TENM4: variants seen among roughly 807,000 people sequenced by gnomAD.
The protein encoded by TENM4 is teneurin-4.
Under a neutral mutation model 243.3 loss-of-function variants are expected in TENM4, and 82 were observed. That is an observed-to-expected ratio of 0.34 (90% confidence interval 0.28 to 0.40). The LOEUF (loss-of-function observed/expected upper bound fraction) is 0.40. Ranked by LOEUF, TENM4 falls within the 10% of genes least tolerant of loss-of-function variation. The pLI, the probability that TENM4 is intolerant of heterozygous loss-of-function variation, is 1.00. For synonymous variants in TENM4, 1,412 were observed against 1,456.3 expected, an observed-to-expected ratio of 0.97 and a Z score of 0.69; for missense variants, 3,138 against 3,673.3, an observed-to-expected ratio of 0.85 and a Z score of 3.77.
chr11:79,138,569 CAT>C lies in TENM4; in HGVS notation c.-66+10139_-66+10140del, dbSNP rs1491213327. Among the ~76,000 whole-genome samples, 49 of 29,038 alleles carry C rather than the reference CAT, an allele frequency of 1.7e-3. 2 individuals carry two copies. The highest frequency in any genetic ancestry group is 9.6e-3 in the East Asian group (29 of 3,010). The allele number at this position is 29,038 out of a possible 152,430, so 19.1% of individuals were successfully genotyped here. ...ATTATATTTATATAAATACATAAAA[CAT>C]ATATTTATATAAATACATAAAACAT... On this transcript the variant is annotated intron_variant, in intron 4 of 33. Transcript: ENST00000278550.
At chr11:79,115,143 T>A (rs1591293694) in intron 4 of TENM4, among the ~76,000 whole-genome samples, 1 of 152,020 alleles carries the variant, frequency 6.6e-6, no homozygotes, top group African/African-American at 2.4e-5. Context: ...ACTATTTGAG[T>A]TAGGACCTGT....
At chr11:79,159,911 C>G (rs1194820806) in intron 3 of TENM4, among the ~76,000 whole-genome samples, 2 of 152,222 alleles carry the variant, frequency 1.3e-5, no homozygotes, top group Admixed American at 6.5e-5. Context: ...TCCTCAAAAT[C>G]ACACTTGTTC....
At chr11:79,204,232 G>A (rs1314908744) in intron 3 of TENM4, among the ~76,000 whole-genome samples, 1 of 152,066 alleles carries the variant, frequency 6.6e-6, no homozygotes, top group African/African-American at 2.4e-5. Flanking sequence ...ATAGTAAAAA[G>A]CACTGAATTG....
At chr11:79,237,805 GCT>G (rs1405965164) in intron 2 of TENM4, among the ~76,000 whole-genome samples, 2 of 152,182 alleles carry the variant, frequency 1.3e-5, no homozygotes, top group Non-Finnish European at 2.9e-5. Flanking sequence ...CGGCTCAGAG[GCT>G]CTTTTTCGTT....
chr11:79,057,515 A>G (rs1312923750), intron 6 of TENM4, among the ~76,000 whole-genome samples: 1 of 152,022 alleles, frequency 6.6e-6, no homozygotes, highest in African/African-American at 2.4e-5. Flanking sequence ...GCACCTCCCC[A>G]TGACACTGCC....
chr11:79,085,086 T>G (rs1213673245), intron 4 of TENM4, among the ~76,000 whole-genome samples: 1 of 152,122 alleles, frequency 6.6e-6, no homozygotes, highest in Non-Finnish European at 1.5e-5. Context: ...AAAAGGGTTT[T>G]TTTTGGCCGG....
intron 6 of TENM4, among the ~76,000 whole-genome samples, chr11:78,992,945 C>T (rs764000445): frequency 5.3e-5 from 8 of 152,106 alleles, no homozygotes; most frequent in Non-Finnish European, 1.0e-4. Context: ...GCATAATTCT[C>T]TTGTGGGATG....
chr11:79,371,904 C>T (rs1350429947), intron 1 of TENM4, among the ~76,000 whole-genome samples: 1 of 152,080 alleles, frequency 6.6e-6, no homozygotes, highest in Non-Finnish European at 1.5e-5. Context: ...CAAATGGTCC[C>T]CAAACACCAT....
intron 6 of TENM4, among the ~76,000 whole-genome samples, chr11:78,979,583 TG>T (rs1857745239): frequency 1.3e-5 from 2 of 152,312 alleles, no homozygotes; most frequent in African/African-American, 4.8e-5. Context: ...CATGCATGTG[TG>T]TCTACAGCAG....
chr11:78,844,336 C>T (rs540977750), intron 12 of TENM4, among the ~76,000 whole-genome samples: 3 of 152,272 alleles, frequency 2.0e-5, no homozygotes, highest in African/African-American at 7.2e-5. Flanking sequence ...TCTGATAGGA[C>T]TTATGTCCTT....
At chr11:79,054,058 G>A (rs1406561418) in intron 6 of TENM4, among the ~76,000 whole-genome samples, 1 of 152,142 alleles carries the variant, frequency 6.6e-6, no homozygotes, top group African/African-American at 2.4e-5. Flanking sequence ...CCAGGTGGGT[G>A]CGTGAACCCA....
chr11:78,884,099 A>C (rs1223906596), intron 9 of TENM4, among the ~76,000 whole-genome samples: 1 of 152,244 alleles, frequency 6.6e-6, no homozygotes, highest in African/African-American at 2.4e-5. Context: ...CTTGTAAATT[A>C]TCTTACAGAA....
chr11:79,065,775 C>T (rs1249517916), intron 5 of TENM4, among the ~76,000 whole-genome samples: 2 of 127,038 alleles, frequency 1.6e-5, no homozygotes, highest in East Asian at 2.1e-4. Context: ...CCTGGCAATG[C>T]CTAGGACAGA....
intron 4 of TENM4, among the ~76,000 whole-genome samples, chr11:79,094,580 G>T (rs1378359884): frequency 1.3e-5 from 2 of 152,302 alleles, no homozygotes; most frequent in Admixed American, 6.5e-5. Flanking sequence ...TAGGCATTGG[G>T]GGGTGGGGGA....
At chr11:79,265,324 G>T (rs909220181) in intron 2 of TENM4, among the ~76,000 whole-genome samples, 1 of 152,134 alleles carries the variant, frequency 6.6e-6, no homozygotes, top group Non-Finnish European at 1.5e-5. Flanking sequence ...AAGACTTTAG[G>T]AGTCTAGGCC....
chr11:78,992,816 T>C (rs1858079461), intron 6 of TENM4, among the ~76,000 whole-genome samples: 2 of 152,200 alleles, frequency 1.3e-5, no homozygotes. Flanking sequence ...CTCTTTGCCC[T>C]TTGCTTTTCT....
intron 2 of TENM4, chr11:79,221,219 T>C (rs552727780): frequency 6.6e-6 from 1 of 152,158 alleles, no homozygotes; most frequent in South Asian, 2.1e-4. Context: ...GTGCCTGGGA[T>C]CAGGATAAAT....
intron 1 of TENM4, among the ~76,000 whole-genome samples, chr11:79,415,918 C>A (rs933917432): frequency 1.3e-5 from 2 of 151,952 alleles, no homozygotes; most frequent in Admixed American, 1.3e-4. Flanking sequence ...TCCAGGCAAC[C>A]CCTGACCTGC....
intron 1 of TENM4, among the ~76,000 whole-genome samples, chr11:79,346,778 T>C (rs531123928): frequency 1.3e-5 from 2 of 152,320 alleles, no homozygotes; most frequent in African/African-American, 4.8e-5. Context: ...ATCTGTAAAA[T>C]GGGCATAAAC....
Sources: allele counts gnomAD v4.1 joint callset (sites outside exome capture counted in the v4.1 genomes callset), GRCh38; gene constraint gnomAD v4.1.1; transcripts MANE v1.5; gene names NCBI Gene and HGNC (gene_info 2026-07-23, HGNC 2026-07-21).